Variants in AGBL1 observed in about 807,000 individuals in gnomAD.
AGBL1 encodes the protein AGBL carboxypeptidase 1.
A neutral mutation model predicts 118.9 loss-of-function variants in AGBL1; 130 were observed. That is an observed-to-expected ratio of 1.09 (90% confidence interval 0.95 to 1.26). The LOEUF (loss-of-function observed/expected upper bound fraction) is 1.26. Among genes scored for constraint, AGBL1 ranks in the 50% most tolerant of loss-of-function variants. The probability of loss-of-function intolerance (pLI) is 0.00; values close to 1 mark genes in which losing one functional copy is unlikely to be tolerated. For synonymous variants in AGBL1, 555 were observed against 478.9 expected (o/e 1.16, Z -2.08); for missense variants, 1,584 against 1,298.1 (o/e 1.22, Z -3.38).
In AGBL1 at chr15:86,990,542, C is replaced by G. The variant is rs2008705; in HGVS notation, c.3323+2454C>G. Among the ~76,000 whole-genome samples the G allele has an allele frequency of 3.7e-3, 563 of 152,196 alleles. 10 individuals are homozygous for G. Among genetic ancestry groups the G allele is most frequent in the African/African-American group, 0.013 (529 of 41,536 alleles). On this transcript the variant is annotated intron_variant, in intron 24 of 24. Coordinates refer to the AGBL1 transcript ENST00000441037. ...AAAAAAAAAGAGAAAGGTTTGGGTT[C>G]TGGACACATGGGGAATATCCATACT... is the stretch of plus-strand genomic sequence containing the variant.
At chr15:87,024,744 T>A (rs2081707910) in intron 24 of AGBL1, among the ~76,000 whole-genome samples, 5 of 152,024 alleles carry the variant, frequency 3.3e-5, no homozygotes. Flanking sequence ...AACAAAATAC[T>A]AGTTAACTGA....
rs571534225 is a variant in AGBL1, at chr15:86,177,528, A to G, written c.488+18502A>G. Among the ~76,000 whole-genome samples the G allele has an allele frequency of 6.6e-4, 101 of 152,358 alleles. 1 individual carries two copies. Among genetic ancestry groups the G allele is most frequent in the Middle Eastern group, 3.4e-3 (1 of 294 alleles). On this transcript the variant is annotated intron_variant, in intron 5 of 22. Transcript: ENST00000614907. ...CAACTGCAATGGAATTTTTACAAAG[A>G]TAGATAATATTATGAACCATAAAGC...
chr15:86,221,155 A>G (rs2078274391), intron 5 of AGBL1, among the ~76,000 whole-genome samples: 1 of 152,160 alleles, frequency 6.6e-6, no homozygotes, highest in Admixed American at 6.5e-5. Context: ...CTGAGATTGT[A>G]CAACTACACT....
intron 22 of AGBL1, among the ~76,000 whole-genome samples, chr15:86,696,037 A>G (rs568929641): frequency 1.3e-5 from 2 of 151,982 alleles, no homozygotes; most frequent in Non-Finnish European, 2.9e-5. Context: ...CCATGTGCTC[A>G]TGAGTAGAAT....
At chr15:86,637,296 G>T (rs912674595) in intron 21 of AGBL1, among the ~76,000 whole-genome samples, 1 of 152,104 alleles carries the variant, frequency 6.6e-6, no homozygotes, top group Non-Finnish European at 1.5e-5. Flanking sequence ...TGAGAATGTG[G>T]CATGTCAGGG....
intron 24 of AGBL1, among the ~76,000 whole-genome samples, chr15:87,023,491 A>G (rs1220241228): frequency 6.6e-6 from 1 of 152,066 alleles, no homozygotes; most frequent in African/African-American, 2.4e-5. Context: ...AACAATTACT[A>G]ATAGACCTAA....
chr15:86,922,265 G>T (rs1474227585), intron 23 of AGBL1, among the ~76,000 whole-genome samples: 2 of 152,146 alleles, frequency 1.3e-5, no homozygotes, highest in Non-Finnish European at 2.9e-5. Flanking sequence ...TATAGCAAAA[G>T]GCATAACAAA....
chr15:86,834,736 C>T (rs1029077856), intron 22 of AGBL1, among the ~76,000 whole-genome samples: 3 of 152,116 alleles, frequency 2.0e-5, no homozygotes, highest in African/African-American at 7.2e-5. Flanking sequence ...GGATACAACC[C>T]AATAGAACTT....
chr15:86,860,556 G>A (rs1272288456), intron 22 of AGBL1, among the ~76,000 whole-genome samples: 1 of 152,074 alleles, frequency 6.6e-6, no homozygotes. Flanking sequence ...ACTTATAAAT[G>A]TTTTACACTG....
intron 22 of AGBL1, among the ~76,000 whole-genome samples, chr15:86,682,447 T>G (rs2085977767): frequency 6.6e-6 from 1 of 152,314 alleles, no homozygotes; most frequent in East Asian, 1.9e-4. Flanking sequence ...AAACCCAGTG[T>G]TCACATTTCT....
chr15:86,412,069 G>A (rs2081628325), intron 18 of AGBL1, among the ~76,000 whole-genome samples: 1 of 152,122 alleles, frequency 6.6e-6, no homozygotes, highest in Admixed American at 6.5e-5. Context: ...GCTCAATGTT[G>A]GAAAATAGCA....
chr15:86,427,749 A>C (rs1380986229), intron 18 of AGBL1, among the ~76,000 whole-genome samples: 2 of 152,214 alleles, frequency 1.3e-5, no homozygotes, highest in Non-Finnish European at 2.9e-5. Context: ...TATAGTTAAC[A>C]GAGTCACTAC....
chr15:86,372,095 C>T (rs905801078), intron 17 of AGBL1, among the ~76,000 whole-genome samples: 137 of 152,190 alleles, frequency 9.0e-4, no homozygotes, highest in African/African-American at 3.2e-3. Flanking sequence ...TGGCCTGGGG[C>T]CAGGCAGAGA....
rs1394213717 is a variant in AGBL1, at chr15:86,409,385, A to G, written c.2555+11839A>G. On this transcript the variant is annotated intron_variant, in intron 18 of 22. Coordinates refer to ENST00000614907, the MANE Select transcript of AGBL1 (RefSeq NM_001386094.1). ...AAGGTCCTGCTGCTAAGTCATTTGC[A>G]TAGTGTTAAATGATGCATAGTGCTG... Among the ~76,000 whole-genome samples the G allele has an allele frequency of 2.6e-5, 4 of 152,166 alleles. No individual in the cohort carries two copies. The East Asian group carries it at 7.7e-4, about 29-fold the overall frequency.
intron 22 of AGBL1, among the ~76,000 whole-genome samples, chr15:86,874,552 A>T (rs1596577810): frequency 6.6e-6 from 1 of 152,142 alleles, no homozygotes; most frequent in Non-Finnish European, 1.5e-5. Context: ...CAGAGTGGGT[A>T]CCTGAGCCCC....
chr15:86,409,267 G>T (rs1470297249), intron 18 of AGBL1, among the ~76,000 whole-genome samples: 2 of 152,146 alleles, frequency 1.3e-5, no homozygotes, highest in Admixed American at 1.3e-4. Context: ...AGACAGCACT[G>T]AGGGCCCTGG....
chr15:86,291,242 A>G (rs2079540529), intron 16 of AGBL1, among the ~76,000 whole-genome samples: 1 of 152,160 alleles, frequency 6.6e-6, no homozygotes. Context: ...TTATTAGATT[A>G]TAATCCCCTC....
intron 23 of AGBL1, among the ~76,000 whole-genome samples, chr15:86,923,214 G>A (rs1042240564): frequency 6.6e-6 from 1 of 152,182 alleles, no homozygotes; most frequent in Non-Finnish European, 1.5e-5. Flanking sequence ...CAGATCTGTT[G>A]AATTATGTGG....
At chr15:86,672,478 TG>T (rs1018641613) in intron 21 of AGBL1, among the ~76,000 whole-genome samples, 7 of 152,328 alleles carry the variant, frequency 4.6e-5, no homozygotes, top group Admixed American at 3.3e-4. Flanking sequence ...TGCTGGAGGC[TG>T]GGGTTGCAAA....
Sources: allele counts gnomAD v4.1 joint callset (sites outside exome capture counted in the v4.1 genomes callset), GRCh38; gene constraint gnomAD v4.1.1; transcripts MANE v1.5; gene names NCBI Gene and HGNC (gene_info 2026-07-23, HGNC 2026-07-21).